The following IQSEC3 variants were observed in gnomAD, a reference collection of about 807,000 sequenced individuals.
The protein encoded by IQSEC3 is IQ motif and SEC7 domain-containing protein 3.
In IQSEC3, 50 loss-of-function variants were observed where a neutral mutation model predicts 105.4. The ratio of observed to expected loss-of-function variants is 0.47; its 90% CI spans 0.38 to 0.60. The LOEUF is 0.60. Among genes scored for constraint, IQSEC3 ranks in the 20% least tolerant of loss-of-function variants. IQSEC3 has a pLI of 0.00. For missense variants in IQSEC3, 1,415 were observed against 1,630.0 expected (o/e 0.87, Z 2.27); for synonymous variants, 708 against 746.0 (o/e 0.95, Z 0.83).
intron 2 of IQSEC3, among the ~76,000 whole-genome samples, chr12:124,349 A>AT (rs1327977121): frequency 6.9e-6 from 1 of 144,560 alleles, no homozygotes; most frequent in Non-Finnish European, 1.5e-5. Flanking sequence ...AGATCTCACC[A>AT]TTGCACTCCA....
At chr12:92,673 G>A (rs781947239) in intron 1 of IQSEC3, among the ~76,000 whole-genome samples, 2 of 152,188 alleles carry the variant, frequency 1.3e-5, no homozygotes, top group Non-Finnish European at 2.9e-5. Context: ...GGATTTGCTC[G>A]ACCTGCTGGG....
intron 12 of IQSEC3, among the ~76,000 whole-genome samples, chr12:170,046 G>A (rs1329603995): frequency 1.3e-5 from 2 of 152,214 alleles, no homozygotes; most frequent in Non-Finnish European, 1.5e-5. Context: ...AGGCAGCAGC[G>A]TGGGGACTAG....
Position 125,700 on chromosome 12 carries a change from G to A in IQSEC3, c.691G>A (p.Ala231Thr). 6.5e-7 allele frequency: 1 copy of A among 1,534,094 alleles called. No homozygotes were observed. Among genetic ancestry groups the A allele is most frequent in the Non-Finnish European group, 8.7e-7 (1 of 1,151,426 alleles). Reference protein sequence around the residue: ...DSVVAAAAVAAGRPSAHAPKA... With the variant: ...DSVVAAAAVATGRPSAHAPKA... ...CGTGGTGGCAGCGGCGGCGGTGGCA[G>A]CCGGCAGACCCAGTGCCCATGCCCC... The change falls in exon 3 of 14, where the codon GCC (alanine) becomes ACC (threonine). Residue 231 changes from alanine to threonine, a missense_variant. Physicochemically the swap from Ala to Thr is moderately conservative, Grantham distance 58. Transcript: ENST00000538872.
intron 2 of IQSEC3, among the ~76,000 whole-genome samples, chr12:102,485 C>T (rs1005373473): frequency 6.6e-6 from 1 of 152,238 alleles, no homozygotes; most frequent in African/African-American, 2.4e-5. Flanking sequence ...CAAGTGCCTT[C>T]ACTGCAGCAC....
chr12:80,935 A>G lies in IQSEC3; in HGVS notation c.554+13499A>G, dbSNP rs1270108492. Among the ~76,000 whole-genome samples, 3 of 152,344 alleles carry G rather than the reference A, an allele frequency of 2.0e-5. No individual in the cohort carries two copies. In the East Asian group the frequency reaches 5.8e-4, roughly 29 times the overall value. ...AGGGTGGGACCCTGCCAGGTTGTTCAAGTAAGACAAGGGCCGAGAGCACAG... is the reference window on the plus strand; with the variant it reads ...AGGGTGGGACCCTGCCAGGTTGTTCGAGTAAGACAAGGGCCGAGAGCACAG... On this transcript the variant is annotated intron_variant, in intron 1 of 13. Coordinates refer to ENST00000538872, the MANE Select transcript of IQSEC3 (RefSeq NM_001170738.2).
chr12:125,547 T>G, intron 2 of IQSEC3, 86 bp from the exon 3 acceptor site: 1 of 1,324,568 alleles, frequency 7.5e-7, no homozygotes, highest in Non-Finnish European at 9.8e-7. Context: ...CAGGCCAGAG[T>G]GCCTAGCTTC....
intron 2 of IQSEC3, among the ~76,000 whole-genome samples, chr12:109,634 C>T (rs1397866368): frequency 2.0e-5 from 3 of 152,128 alleles, no homozygotes; most frequent in Non-Finnish European, 2.9e-5. Context: ...CCCCAGTTCC[C>T]GGACCCTGTC....
In IQSEC3 at chr12:78,505, CA is replaced by C. The variant is rs372881150; in HGVS notation, c.554+11081del. Among the ~76,000 whole-genome samples, 321 of 138,366 alleles carry C rather than the reference CA, an allele frequency of 2.3e-3. 3 individuals are homozygous for C. Among genetic ancestry groups the C allele is most frequent in the African/African-American group, 7.2e-3 (275 of 38,328 alleles). 90.8% of individuals were successfully genotyped at this position (138,366 alleles called of 152,430 possible). On this transcript the variant is annotated intron_variant, in intron 1 of 13. Transcript: ENST00000538872. Reference sequence around the variant, plus strand: ...CTTCCTTGTACCCAAGACACCTCAGCAAAAAAAAAAAATAAATTTAAAACTC... The same window carrying C: ...CTTCCTTGTACCCAAGACACCTCAGCAAAAAAAAAAATAAATTTAAAACTC...
chr12:75,345 A>G (rs1389622954), intron 1 of IQSEC3, among the ~76,000 whole-genome samples: 1 of 152,166 alleles, frequency 6.6e-6, no homozygotes, highest in Non-Finnish European at 1.5e-5. Context: ...TTTTGCAGAG[A>G]ATTGGAATTG....
intron 1 of IQSEC3, among the ~76,000 whole-genome samples, chr12:84,140 A>G (rs2136889667): frequency 6.6e-6 from 1 of 152,346 alleles, no homozygotes; most frequent in Non-Finnish European, 1.5e-5. Context: ...CTAATCTGGG[A>G]CAGAGACCAT....
At position 175,279 on chromosome 12, in the gene IQSEC3, C is replaced by T; in HGVS notation, c.*246C>T. ...CTCCCAGGGCCCTACACAGCCAGAC[C>T]CGGCGAGGCCTCCTCTTCCCCTGGC... is the stretch of plus-strand genomic sequence containing the variant. On this transcript the variant is annotated 3_prime_UTR_variant, in exon 14 of 14. Transcript: ENST00000538872. 1 of 454,076 alleles carries T rather than the reference C, an allele frequency of 2.2e-6. No homozygotes were observed. Among genetic ancestry groups the T allele is most frequent in the Non-Finnish European group, 3.9e-6 (1 of 258,820 alleles). The allele number at this position is 454,076 out of a possible 1,614,324, so 28.1% of individuals were successfully genotyped here. A position where few individuals can be genotyped will look rare whatever the true frequency, so the allele number is the denominator to read the frequency against.
chr12:146,654 A>C lies in IQSEC3; in HGVS notation c.2153+5369A>C, dbSNP rs145940403. Reference sequence around the variant, plus strand: ...GGACAACAGAGTGGGAGCCTGTCTCAAAAAAGAAGAAAGAAAGAGAGAAAG... The same window carrying C: ...GGACAACAGAGTGGGAGCCTGTCTCCAAAAAGAAGAAAGAAAGAGAGAAAG... On this transcript the variant is annotated intron_variant, in intron 5 of 13. Transcript: ENST00000538872. Among the ~76,000 whole-genome samples the C allele has an allele frequency of 2.5e-3, 386 of 151,818 alleles. 3 individuals carry two copies. Among genetic ancestry groups the C allele is most frequent in the Middle Eastern group, 0.014 (4 of 294 alleles).
At position 74,494 on chromosome 12, in the gene IQSEC3, T is replaced by G. The variant is rs1221491564; in HGVS notation, c.554+7058T>G. The stretch of plus-strand genomic sequence containing the variant: ...CCGGGTGGGGGTGGAGGGCAGACTG[T>G]TTTGCTGTTGCTCTTTGGTTGGAAT... On this transcript the variant is annotated intron_variant, in intron 1 of 13. Transcript: ENST00000538872. Among the ~76,000 whole-genome samples the G allele has an allele frequency of 5.2e-5, 8 of 152,390 alleles. No individual in the cohort carries two copies. In the East Asian group the frequency reaches 1.3e-3, roughly 26 times the overall value.
intron 2 of IQSEC3, among the ~76,000 whole-genome samples, chr12:112,309 A>T (rs1359182794): frequency 2.2e-5 from 1 of 44,760 alleles, no homozygotes; most frequent in Non-Finnish European, 4.2e-5. Context: ...GGGAAGGGGG[A>T]TGGTGGGGAA....
chr12:105,846 G>T (rs117409188), intron 2 of IQSEC3, among the ~76,000 whole-genome samples: 1 of 152,190 alleles, frequency 6.6e-6, no homozygotes. Context: ...AATTTTCCCT[G>T]CCAGGCCTTG....
intron 7 of IQSEC3, among the ~76,000 whole-genome samples, chr12:159,066 G>A (rs1866797529): frequency 6.6e-6 from 1 of 152,228 alleles, no homozygotes; most frequent in South Asian, 2.1e-4. Flanking sequence ...ACTCACGTCA[G>A]TGCTCATGTT....
At chr12:91,389 C>T (rs782641353) in intron 1 of IQSEC3, among the ~76,000 whole-genome samples, 53 of 152,314 alleles carry the variant, frequency 3.5e-4, no homozygotes, top group Middle Eastern at 3.4e-3. Flanking sequence ...TCCTGAGCTC[C>T]TTGCTGCACT....
intron 2 of IQSEC3, among the ~76,000 whole-genome samples, chr12:101,263 G>A (rs1403931793): frequency 1.3e-5 from 2 of 152,328 alleles, no homozygotes; most frequent in African/African-American, 4.8e-5. Context: ...GAAGGAGTGG[G>A]AGAGAGGCGG....
At chr12:84,934 C>G (rs1863869224) in intron 1 of IQSEC3, among the ~76,000 whole-genome samples, 1 of 152,116 alleles carries the variant, frequency 6.6e-6, no homozygotes, top group Non-Finnish European at 1.5e-5. Flanking sequence ...TCAGGGGGTA[C>G]AGTGAGAATG....
Sources: gnomAD v4.1 joint callset for allele counts (sites outside exome capture counted in the v4.1 genomes callset) on GRCh38, gnomAD v4.1.1 for gene constraint, MANE v1.5 for transcripts, NCBI Gene and HGNC (gene_info 2026-07-23, HGNC 2026-07-21) for gene names.